The following OSBPL8 variants were observed in gnomAD, a reference collection of about 807,000 sequenced individuals.
OSBPL8 encodes the protein oxysterol-binding protein-related protein 8.
A neutral mutation model predicts 125.5 loss-of-function variants in OSBPL8; 59 were observed. The ratio of observed to expected loss-of-function variants is 0.47; its 90% CI spans 0.38 to 0.58. The LOEUF (loss-of-function observed/expected upper bound fraction) is 0.58, where lower values mean the gene tolerates loss of function less well. OSBPL8 is among the 20% of genes least tolerant of loss of function. The probability of loss-of-function intolerance (pLI) is 0.00; values close to 1 mark genes in which losing one functional copy is unlikely to be tolerated. For missense variants in OSBPL8, 758 were observed against 1,047.8 expected, an observed-to-expected ratio of 0.72 and a Z score of 3.82; for synonymous variants, 330 against 338.9, an observed-to-expected ratio of 0.97 and a Z score of 0.29.
intron 21 of OSBPL8, chr12:76,366,708 G>C (rs569040495): frequency 3.6e-5 from 9 of 247,862 alleles, no homozygotes; most frequent in African/African-American, 6.9e-5. Flanking sequence ...CATCTCGTAA[G>C]TTTTGTTATA....
chr12:76,398,100 G>A (rs1953890459), intron 7 of OSBPL8, among the ~76,000 whole-genome samples: 1 of 152,136 alleles, frequency 6.6e-6, no homozygotes, highest in African/African-American at 2.4e-5. Context: ...AAATTTTAGT[G>A]GGAGACAGGC....
At chr12:76,466,814 G>T (rs1478951819) in intron 2 of OSBPL8, among the ~76,000 whole-genome samples, 1 of 151,984 alleles carries the variant, frequency 6.6e-6, no homozygotes, top group Non-Finnish European at 1.5e-5. Context: ...CAAAAAATTA[G>T]CCAGGCATGC....
intron 1 of OSBPL8, among the ~76,000 whole-genome samples, chr12:76,491,218 T>G (rs1181176226): frequency 2.0e-5 from 3 of 152,140 alleles, no homozygotes; most frequent in Non-Finnish European, 4.4e-5. Flanking sequence ...CTACATAAAT[T>G]TAGTTGATAA....
At chr12:76,497,725 T>C (rs993125243) in intron 1 of OSBPL8, among the ~76,000 whole-genome samples, 14 of 152,216 alleles carry the variant, frequency 9.2e-5, no homozygotes, top group Non-Finnish European at 1.8e-4. Context: ...CTTAAGTGCA[T>C]AAGGTCCTTT....
chr12:76,534,778 C>T (rs1407650267), intron 1 of OSBPL8, among the ~76,000 whole-genome samples: 1 of 151,902 alleles, frequency 6.6e-6, no homozygotes, highest in Non-Finnish European at 1.5e-5. Context: ...CAAAAACATT[C>T]AAAATAATGT....
chr12:76,449,602 A>T (rs568699579), intron 4 of OSBPL8, among the ~76,000 whole-genome samples: 1 of 152,284 alleles, frequency 6.6e-6, no homozygotes, highest in Non-Finnish European at 1.5e-5. Context: ...TCACTTACAG[A>T]TGTCCTTGAT....
At chr12:76,407,335 G>A (rs891648994) in intron 5 of OSBPL8, among the ~76,000 whole-genome samples, 18 of 151,992 alleles carry the variant, frequency 1.2e-4, no homozygotes, top group African/African-American at 3.9e-4. Flanking sequence ...CACTTTCAGC[G>A]TCAACCTCCT....
At chr12:76,356,969 A>G (rs1952010564) in intron 22 of OSBPL8, among the ~76,000 whole-genome samples, 1 of 152,202 alleles carries the variant, frequency 6.6e-6, no homozygotes, top group Non-Finnish European at 1.5e-5. Flanking sequence ...TTTTTTAACT[A>G]ATTAAAACAG....
chr12:76,364,321 T>C (rs896099528), intron 21 of OSBPL8, among the ~76,000 whole-genome samples: 2 of 152,090 alleles, frequency 1.3e-5, no homozygotes, highest in African/African-American at 4.8e-5. Context: ...TATGCAGCCA[T>C]AAAAAAGGAT....
At chr12:76,466,364 G>C (rs1875440295) in intron 2 of OSBPL8, among the ~76,000 whole-genome samples, 1 of 151,984 alleles carries the variant, frequency 6.6e-6, no homozygotes, top group Admixed American at 6.6e-5. Context: ...AAGTATAGTG[G>C]GAAGTACATT....
At chr12:76,407,614 A>T (rs548388836) in intron 5 of OSBPL8, among the ~76,000 whole-genome samples, 1 of 152,364 alleles carries the variant, frequency 6.6e-6, no homozygotes, top group South Asian at 2.1e-4. Context: ...ATAAACTAAG[A>T]TTAAATCTAA....
At chr12:76,389,878 G>A in intron 11 of OSBPL8, 49 bp from the exon 12 acceptor site, 1 of 1,362,670 alleles carries the variant, frequency 7.3e-7, no homozygotes, top group Non-Finnish European at 9.7e-7. Flanking sequence ...ATTTCAGACA[G>A]ATATGTAAAC....
At chr12:76,548,819 T>A (rs990352960) in intron 1 of OSBPL8, among the ~76,000 whole-genome samples, 1 of 152,154 alleles carries the variant, frequency 6.6e-6, no homozygotes, top group African/African-American at 2.4e-5. Flanking sequence ...GAACCTAGTC[T>A]GTCTTTCTTA....
intron 1 of OSBPL8, among the ~76,000 whole-genome samples, chr12:76,526,743 C>T (rs151022391): frequency 0.048 from 6,933 of 145,890 alleles, 584 homozygotes; most frequent in African/African-American, 0.17. Context: ...CTCCGCCTCC[C>T]GGGTTCCAGC....
chr12:76,429,747 C>G (rs548183526), intron 4 of OSBPL8, among the ~76,000 whole-genome samples: 3 of 152,070 alleles, frequency 2.0e-5, no homozygotes, highest in African/African-American at 7.2e-5. Context: ...CAAGGTCACA[C>G]AGCAAATGAG....
chr12:76,453,997 T>C (rs73383587), intron 3 of OSBPL8, among the ~76,000 whole-genome samples: 26,719 of 152,110 alleles, frequency 0.18, 2,507 homozygotes, highest in Middle Eastern at 0.24. Context: ...ATAATAAATA[T>C]TTTATACTCA....
intron 5 of OSBPL8, among the ~76,000 whole-genome samples, chr12:76,405,052 T>C (rs1456792050): frequency 2.0e-5 from 3 of 152,232 alleles, no homozygotes; most frequent in South Asian, 4.1e-4. Flanking sequence ...CTGGGATTTG[T>C]ACCCTACTCT....
At chr12:76,506,669 G>T (rs1264131663) in intron 1 of OSBPL8, among the ~76,000 whole-genome samples, 1 of 151,980 alleles carries the variant, frequency 6.6e-6, no homozygotes, top group Admixed American at 6.6e-5. Flanking sequence ...GATGACAAAA[G>T]GTAAAATTAA....
chr12:76,438,341 C>CG (rs1871755181), intron 4 of OSBPL8, among the ~76,000 whole-genome samples: 1 of 148,862 alleles, frequency 6.7e-6, no homozygotes, highest in Non-Finnish European at 1.5e-5. Context: ...CTCACTCTGT[C>CG]GCTCACGCTG....
Sources: allele counts gnomAD v4.1 joint callset (sites outside exome capture counted in the v4.1 genomes callset), GRCh38; gene constraint gnomAD v4.1.1; transcripts MANE v1.5; gene names NCBI Gene and HGNC (gene_info 2026-07-23, HGNC 2026-07-21).